The following SHLD2 variants were observed in gnomAD, a reference collection of about 807,000 sequenced individuals.
SHLD2 encodes the protein shieldin complex subunit 2, also known as RINN1-REV7-interacting novel NHEJ regulator 2.
Under a neutral mutation model 73.2 loss-of-function variants are expected in SHLD2, and 30 were observed. The observed-to-expected ratio is 0.41, with a 90% CI of 0.31 to 0.56. The LOEUF is 0.56. SHLD2 is among the 20% of genes least tolerant of loss of function. The pLI is 0.28. For synonymous variants in SHLD2, 285 were observed against 370.1 expected, an observed-to-expected ratio of 0.77 and a Z score of 2.64; for missense variants, 745 against 1,055.9, an observed-to-expected ratio of 0.71 and a Z score of 4.08.
At chr10:87,157,717 G>A (rs1589598406) in intron 3 of SHLD2, among the ~76,000 whole-genome samples, 2 of 152,022 alleles carry the variant, frequency 1.3e-5, no homozygotes, top group East Asian at 3.9e-4. Flanking sequence ...TTGCCTTCTG[G>A]TCCTAAAAAA....
At position 87,187,329 on chromosome 10, in the gene SHLD2, C is replaced by T. The variant is rs572789049; in HGVS notation, c.2515+129C>T. ...ATATGAAAACCGAAGGATAATTTAG[C>T]TTAAGTGAAATATAAGCCTATGTAA... On this transcript the variant is annotated intron_variant, in intron 9 of 9. Transcript: ENST00000298786. 6.0e-5 allele frequency: 40 copies of T among 668,158 alleles called. 1 individual carries two copies. The South Asian group carries it at 6.7e-4, about 11-fold the overall frequency. 41.4% of individuals were successfully genotyped at this position (668,158 alleles called of 1,614,324 possible).
intron 2 of SHLD2, among the ~76,000 whole-genome samples, chr10:87,150,103 C>T (rs1470710239): frequency 3.0e-4 from 39 of 130,146 alleles, no homozygotes; most frequent in Non-Finnish European, 5.3e-4. Context: ...CTCGCTTTGT[C>T]GCCCAGGCTG....
intron 7 of SHLD2, among the ~76,000 whole-genome samples, chr10:87,177,482 A>G (rs939336928): frequency 2.6e-5 from 4 of 152,070 alleles, no homozygotes; most frequent in Non-Finnish European, 5.9e-5. Context: ...TGCCATTAAA[A>G]TCAGTCCTTC....
At position 87,135,660 on chromosome 10, in the gene SHLD2, A is replaced by AT. The variant is rs71276300; in HGVS notation, c.-5-15670dup. On this transcript the variant is annotated intron_variant, in intron 2 of 9. Transcript: ENST00000298786. The stretch of plus-strand genomic sequence containing the variant: ...AGATGCATGCCACCACACCTGGCTA[A>AT]TTTTTTTTTTTTTTTTTTTTAATAG... Among the ~76,000 whole-genome samples the AT allele has an allele frequency of 4.5e-3, 604 of 133,556 alleles. 3 individuals are homozygous for AT. Among genetic ancestry groups the AT allele is most frequent in the African/African-American group, 8.1e-3 (291 of 35,930 alleles). 87.6% of individuals were successfully genotyped at this position (133,556 alleles called of 152,430 possible).
At chr10:87,095,033 G>A (rs1223721681), upstream of SHLD2, among the ~76,000 whole-genome samples, 1 of 145,562 alleles carries the variant, frequency 6.9e-6, no homozygotes, top group Admixed American at 6.8e-5. Context: ...CCGGCGGGGC[G>A]TCGGGGGCGC....
At chr10:87,185,939 C>T (rs1372429140) in intron 8 of SHLD2, among the ~76,000 whole-genome samples, 3 of 152,102 alleles carry the variant, frequency 2.0e-5, no homozygotes, top group Non-Finnish European at 4.4e-5. Flanking sequence ...AACTCCTGGC[C>T]TCAAGCAGTC....
At chr10:87,129,072 ATTTTTGTT>A (rs1844244016) in intron 2 of SHLD2, among the ~76,000 whole-genome samples, 1 of 147,908 alleles carries the variant, frequency 6.8e-6, no homozygotes, top group Admixed American at 6.7e-5. Flanking sequence ...CGCCAAGCCA[ATTTTTGTT>A]TTTTTGTTTT....
intron 2 of SHLD2, among the ~76,000 whole-genome samples, chr10:87,103,747 T>C (rs1287462836): frequency 6.6e-6 from 1 of 152,214 alleles, no homozygotes; most frequent in Non-Finnish European, 1.5e-5. Flanking sequence ...AAAACCCTTT[T>C]CCTAATTAAT....
In SHLD2 at chr10:87,183,059, G is replaced by T. The variant is rs928877855; in HGVS notation, c.2399+2756G>T. On this transcript the variant is annotated intron_variant, in intron 8 of 9. Coordinates refer to ENST00000298786, the MANE Select transcript of SHLD2 (RefSeq NM_001330112.2). ...TAGAATGAAGCTAGTGCAGAGAAGCGGTAAGAGGCTGTTGCCTTATTTTGG... is the reference window on the plus strand; with the variant it reads ...TAGAATGAAGCTAGTGCAGAGAAGCTGTAAGAGGCTGTTGCCTTATTTTGG... Among the ~76,000 whole-genome samples the T allele has an allele frequency of 2.6e-5, 4 of 152,316 alleles. No homozygotes were observed. In the South Asian group the frequency reaches 6.2e-4, roughly 24 times the overall value.
chr10:87,097,336 G>A lies in SHLD2; in HGVS notation c.-6+347G>A, dbSNP rs1284193361. Among the ~76,000 whole-genome samples the A allele has an allele frequency of 2.6e-5, 4 of 152,154 alleles. No homozygotes were observed. The East Asian group carries it at 5.8e-4, about 22-fold the overall frequency. ...AGCACTTTAGGAGGCTAAAGTGGGC[G>A]GATCACTTGAGGTCAGGAGTTCGAG... On this transcript the variant is annotated intron_variant, in intron 2 of 9. Transcript: ENST00000298786.
chr10:87,144,143 A>G (rs891888058), intron 2 of SHLD2, among the ~76,000 whole-genome samples: 26 of 152,092 alleles, frequency 1.7e-4, no homozygotes, highest in African/African-American at 6.3e-4. Flanking sequence ...GATTACAGGC[A>G]TGACCCACTG....
At chr10:87,097,276 T>C (rs1841959786) in intron 2 of SHLD2, among the ~76,000 whole-genome samples, 1 of 152,170 alleles carries the variant, frequency 6.6e-6, no homozygotes, top group Non-Finnish European at 1.5e-5. Flanking sequence ...GAAGGTGGAA[T>C]TGGGCCTAAG....
rs551592365 is a variant in SHLD2, at chr10:87,123,633, G to A, written c.-6+26644G>A. Among the ~76,000 whole-genome samples the A allele has an allele frequency of 6.6e-5, 10 of 152,294 alleles. No individual in the cohort carries two copies. The East Asian group carries it at 1.7e-3, about 26-fold the overall frequency. ...TTTTGCTGTCACCCTAATAGAGCTT[G>A]TATATATGTCTCCACCAAATCTTAT... On this transcript the variant is annotated intron_variant, in intron 2 of 9. Transcript: ENST00000298786.
intron 2 of SHLD2, among the ~76,000 whole-genome samples, chr10:87,108,094 T>C (rs1423344092): frequency 1.3e-5 from 2 of 151,864 alleles, no homozygotes; most frequent in Non-Finnish European, 2.9e-5. Flanking sequence ...GCTCTTGTTA[T>C]CCAGGAGTGC....
At chr10:87,167,996 T>G (rs908441920) in intron 4 of SHLD2, among the ~76,000 whole-genome samples, 1 of 152,298 alleles carries the variant, frequency 6.6e-6, no homozygotes, top group African/African-American at 2.4e-5. Flanking sequence ...TGGTAGGCTG[T>G]GTAGAAAAGG....
At chr10:87,187,752 G>C (rs548123958) in intron 9 of SHLD2, among the ~76,000 whole-genome samples, 2 of 152,140 alleles carry the variant, frequency 1.3e-5, no homozygotes, top group East Asian at 3.9e-4. Context: ...AGTAATTTTG[G>C]GTTGAATGCT....
rs1684071784 is a variant in SHLD2, at chr10:87,168,242, G to A, written c.1634-2236G>A. Among the ~76,000 whole-genome samples the A allele has an allele frequency of 3.3e-5, 5 of 151,992 alleles. No homozygotes were observed. The South Asian group carries it at 8.3e-4, about 25-fold the overall frequency. On this transcript the variant is annotated intron_variant, in intron 4 of 9. Transcript: ENST00000298786. ...GCAATCAACCTAGGTGGCCATCAGTGGAGGATTGAATAAAGAAAATGTGGT... is the reference window on the plus strand; with the variant it reads ...GCAATCAACCTAGGTGGCCATCAGTAGAGGATTGAATAAAGAAAATGTGGT...
chr10:87,186,989 A>G (rs1848660822), intron 8 of SHLD2, 96 bp from the exon 9 acceptor site: 2 of 782,972 alleles, frequency 2.6e-6, no homozygotes, highest in African/African-American at 1.7e-5. Flanking sequence ...TTAATCCTGC[A>G]TAAAAACCAA....
At chr10:87,094,815 G>T, upstream of SHLD2, 1 of 1,442,958 alleles carries the variant, frequency 6.9e-7, no homozygotes, top group Non-Finnish European at 9.4e-7. The surrounding 1 kb of genome is among the most constrained non-coding windows in gnomAD (Gnocchi z 6.6). Flanking sequence ...AAACAGGCGC[G>T]CTTTCTCAGA....
Sources: allele counts gnomAD v4.1 joint callset (sites outside exome capture counted in the v4.1 genomes callset), GRCh38; gene constraint gnomAD v4.1.1; non-coding constraint Gnocchi (gnomAD v3.1); transcripts MANE v1.5; gene names NCBI Gene and HGNC (gene_info 2026-07-23, HGNC 2026-07-21).